Variants in FAM118B observed in about 807,000 individuals in gnomAD.
FAM118B encodes protein FAM118B.
In FAM118B, 24 loss-of-function variants were observed where a neutral mutation model predicts 38.5. That is an observed-to-expected ratio of 0.62 (90% CI 0.45 to 0.88). The LOEUF is 0.88. FAM118B is among the 40% of genes least tolerant of loss of function. The probability of loss-of-function intolerance (pLI) is 0.00; values close to 1 mark genes in which losing one functional copy is unlikely to be tolerated. For missense variants in FAM118B, 334 were observed against 420.0 expected, an observed-to-expected ratio of 0.80 and a Z score of 1.79; for synonymous variants, 138 against 156.3, an observed-to-expected ratio of 0.88 and a Z score of 0.87.
chr11:126,233,623 A>T, intron 2 of FAM118B: 2 of 407,236 alleles, frequency 4.9e-6, no homozygotes. Context: ...GACTGGAAAC[A>T]TGATCTACTT....
rs190826267 is a variant in FAM118B at position 126,227,436 on chromosome 11, G to T, written c.-76-1789G>T. Among the ~76,000 whole-genome samples, 64 of 151,984 alleles carry T rather than the reference G, an allele frequency of 4.2e-4. 1 individual carries two copies. The highest frequency in any genetic ancestry group is 1.6e-4 in the Non-Finnish European group (11 of 67,982). On this transcript the variant is annotated intron_variant, in intron 1 of 8. Transcript: ENST00000533050. ...TTTATTTATAACTAAACCTATGATG[G>T]GTTTTTATTCAGTTATTTTTAATCC...
In FAM118B at chr11:126,223,415, G is replaced by A. The variant is rs143778329; in HGVS notation, c.-76-5810G>A. ...AGATCAAAACCATCCTGGCTAACAC[G>A]GTGAAACCCCATCTCTACTAAAAAT... On this transcript the variant is annotated intron_variant, in intron 1 of 8. Coordinates refer to ENST00000533050, the MANE Select transcript of FAM118B (RefSeq NM_024556.4). Among the ~76,000 whole-genome samples the A allele has an allele frequency of 4.4e-3, 663 of 152,006 alleles. 9 individuals carry two copies. The highest frequency in any genetic ancestry group is 0.015 in the African/African-American group (606 of 41,454).
chr11:126,242,569 G>A (rs1178842908), intron 4 of FAM118B, among the ~76,000 whole-genome samples: 2 of 152,128 alleles, frequency 1.3e-5, no homozygotes, highest in African/African-American at 2.4e-5. Context: ...TTAAAATAAC[G>A]ATGTAGTTGA....
At chr11:126,248,992 GGTATTATAGTTCCTCATTA>G (rs1400713296) in intron 4 of FAM118B, among the ~76,000 whole-genome samples, 3 of 152,126 alleles carry the variant, frequency 2.0e-5, no homozygotes, top group African/African-American at 7.2e-5. Flanking sequence ...ACCTGAAGTT[GGTATTATAGTTCCTCATTA>G]GTACTCAGGG....
chr11:126,229,697 T>A (rs1013287729), intron 2 of FAM118B, among the ~76,000 whole-genome samples: 2 of 152,140 alleles, frequency 1.3e-5, no homozygotes, highest in African/African-American at 4.8e-5. Context: ...CACCTCGGTC[T>A]CCCATAATGC....
At chr11:126,243,469 A>T (rs1187818112) in intron 4 of FAM118B, among the ~76,000 whole-genome samples, 1 of 141,892 alleles carries the variant, frequency 7.0e-6, no homozygotes, top group Non-Finnish European at 1.5e-5. Context: ...GTCTGCCTCT[A>T]AAAAAAAAAA....
intron 1 of FAM118B, 72 bp downstream of exon 1, chr11:126,211,902 C>T (rs886283850): frequency 2.0e-6 from 1 of 500,168 alleles, no homozygotes; most frequent in Admixed American, 3.8e-5. Flanking sequence ...TTTCTGCGTC[C>T]CCGGGATTTC....
At chr11:126,262,064 A>G (rs552832233) in intron 8 of FAM118B, 56 bp from the exon 9 acceptor site, 9 of 1,593,608 alleles carry the variant, frequency 5.6e-6, no homozygotes, top group East Asian at 4.5e-5. Context: ...GCAGCTTCCA[A>G]TGTATAAACC....
Position 126,256,873 on chromosome 11 carries a change from G to A in FAM118B, c.982+21G>A. The A allele has an allele frequency of 6.3e-7, 1 of 1,593,792 alleles. No individual in the cohort carries two copies. The highest frequency in any genetic ancestry group is 1.1e-5 in the South Asian group (1 of 88,792). Reference sequence around the variant, plus strand: ...ATCAGGTAAGATGCATTTTGAAGCTGAGGGGAATCAGAGAACAACAGCTCT... The same window carrying A: ...ATCAGGTAAGATGCATTTTGAAGCTAAGGGGAATCAGAGAACAACAGCTCT... On this transcript the variant is annotated intron_variant, in intron 7 of 8. Transcript: ENST00000533050. This position sits in a 1 kb window ranked among gnomAD's most constrained non-coding sequence, Gnocchi z 6.6.
chr11:126,259,580 C>T (rs1203515879), intron 7 of FAM118B, among the ~76,000 whole-genome samples: 1 of 151,996 alleles, frequency 6.6e-6, no homozygotes, highest in Non-Finnish European at 1.5e-5. Flanking sequence ...CGCCCACCAC[C>T]ATGCCCGGCT....
chr11:126,256,846 A>G lies in FAM118B; in HGVS notation c.976A>G (p.Thr326Ala). 1 of 1,609,620 alleles carries G rather than the reference A, an allele frequency of 6.2e-7. No individual in the cohort carries two copies. Among genetic ancestry groups the G allele is most frequent in the South Asian group, 1.1e-5 (1 of 90,820 alleles). Residue 326 changes from threonine (T) to alanine (A), a missense_variant, in exon 7 of 9, where the codon ACA becomes GCA. Around this residue, in one of 3 missense-constraint regions of FAM118B, gnomAD observed 88 missense variants for 98.1 expected, o/e 0.90. Transcript: ENST00000533050. The surrounding 1 kb of genome is among the most constrained non-coding windows in gnomAD (Gnocchi z 6.6). Reference sequence around the variant, plus strand: ...GACATGTGAGATCTCCACAAGGGGTACATCAGGTAAGATGCATTTTGAAGC... The same window carrying G: ...GACATGTGAGATCTCCACAAGGGGTGCATCAGGTAAGATGCATTTTGAAGC... The part of the protein sequence containing the change: ...RLTCEISTRG[T>A]SAGMVREGQL...
chr11:126,222,753 T>C (rs1312088914), intron 1 of FAM118B, among the ~76,000 whole-genome samples: 4 of 152,184 alleles, frequency 2.6e-5, no homozygotes, highest in African/African-American at 9.7e-5. Flanking sequence ...TAATTAATGG[T>C]AGATACACAC....
At chr11:126,242,793 G>A (rs368268507) in intron 4 of FAM118B, among the ~76,000 whole-genome samples, 1 of 152,230 alleles carries the variant, frequency 6.6e-6, no homozygotes, top group Non-Finnish European at 1.5e-5. Flanking sequence ...TGATGCAGTT[G>A]CTTTGGAAAA....
At chr11:126,245,786 C>T (rs1003160384) in intron 4 of FAM118B, among the ~76,000 whole-genome samples, 11 of 152,026 alleles carry the variant, frequency 7.2e-5, no homozygotes, top group African/African-American at 2.4e-4. Flanking sequence ...CACCTGAGGT[C>T]GGAAGTTCGA....
At position 126,236,182 on chromosome 11, in the gene FAM118B, C is replaced by T. The variant is rs189722277; in HGVS notation, c.86+1095C>T. 5.9e-5 allele frequency among the ~76,000 whole-genome samples: 9 copies of T among 152,334 alleles called. No individual in the cohort carries two copies. In the East Asian group the frequency reaches 1.7e-3, roughly 29 times the overall value. On this transcript the variant is annotated intron_variant, in intron 3 of 8. Transcript: ENST00000533050. ...TTTACATCTCTCCTGTATCGATTCT[C>T]TGTTTGCTGGATCTCATGTCCTCTT...
rs137862842 is a variant in FAM118B at position 126,240,077 on chromosome 11, AAG to A, written c.87-710_87-709del. On this transcript the variant is annotated intron_variant, in intron 3 of 8. Transcript: ENST00000533050. ...CAAGCAGGGATAGTCTCCAGAATGA[AAG>A]AGAGGGGAACAAAAACAAAAATTAG... Among the ~76,000 whole-genome samples the A allele has an allele frequency of 8.5e-3, 1,289 of 152,298 alleles. 24 individuals are homozygous for A. The highest frequency in any genetic ancestry group is 0.03 in the African/African-American group (1,231 of 41,548).
At chr11:126,223,702 T>C (rs2135135232) in intron 1 of FAM118B, among the ~76,000 whole-genome samples, 1 of 152,346 alleles carries the variant, frequency 6.6e-6, no homozygotes, top group South Asian at 2.1e-4. Context: ...AAAATACTGA[T>C]GCCCTTGAAT....
chr11:126,213,074 T>A (rs1949911537), intron 1 of FAM118B, among the ~76,000 whole-genome samples: 2 of 152,130 alleles, frequency 1.3e-5, no homozygotes, highest in African/African-American at 2.4e-5. Context: ...TTAATTGAGT[T>A]ATGCAGGTCA....
In FAM118B at chr11:126,262,275, G is replaced by T; in HGVS notation, c.*142G>T. 1.2e-6 allele frequency: 1 copy of T among 825,558 alleles called. No individual in the cohort carries two copies. Among genetic ancestry groups the T allele is most frequent in the Non-Finnish European group, 2.0e-6 (1 of 498,882 alleles). 51.1% of individuals were successfully genotyped at this position (825,558 alleles called of 1,614,324 possible). On this transcript the variant is annotated 3_prime_UTR_variant, in exon 9 of 9. Coordinates refer to ENST00000533050, the MANE Select transcript of FAM118B (RefSeq NM_024556.4). ...AGGTTGAAGGGCGGGGTAGAAGAGG[G>T]GGGAATGTTGCAGCGTAATCCTTCA...
Sources: allele counts gnomAD v4.1 joint callset (sites outside exome capture counted in the v4.1 genomes callset), GRCh38; gene constraint gnomAD v4.1.1; regional missense constraint gnomAD v4.1.1; non-coding constraint Gnocchi (gnomAD v3.1); transcripts MANE v1.5; gene names NCBI Gene and HGNC (gene_info 2026-07-23, HGNC 2026-07-21).